Variants in RNF141 observed in about 807,000 individuals in gnomAD.
RNF141 encodes C3HC4-like zinc finger protein.
In RNF141, 18 loss-of-function variants were observed where a neutral mutation model predicts 27.4. The observed-to-expected ratio is 0.66, with a 90% CI of 0.45 to 0.97. The LOEUF is 0.97. Among genes scored for constraint, RNF141 ranks in the 50% least tolerant of loss-of-function variants. The pLI, the probability that RNF141 is intolerant of heterozygous loss-of-function variation, is 0.00. For synonymous variants in RNF141, 97 were observed against 96.6 expected (o/e 1.00, Z -0.02); for missense variants, 230 against 279.4 (o/e 0.82, Z 1.26).
chr11:10,533,792 G>A (rs1850009909), intron 2 of RNF141, among the ~76,000 whole-genome samples: 1 of 152,074 alleles, frequency 6.6e-6, no homozygotes, highest in Non-Finnish European at 1.5e-5. Context: ...TGTGTTCCAA[G>A]TTCCATTTTA....
At chr11:10,532,780 T>G (rs904218903) in intron 2 of RNF141, among the ~76,000 whole-genome samples, 1 of 152,320 alleles carries the variant, frequency 6.6e-6, no homozygotes, top group Middle Eastern at 3.4e-3. Context: ...GGTTCATATA[T>G]CTTACCTTAA....
rs760600347 is a variant in RNF141, at chr11:10,530,761, G to A, written c.144-10C>T. ...AGCCACTTTAGCCGTTCTGAAAAGA[G>A]ACAAGAACATGTTAATTTTATGAAA... On this transcript the variant is annotated splice_polypyrimidine_tract_variant and intron_variant, in intron 2 of 5. Transcript: ENST00000265981. 3 of 1,533,186 alleles carry A rather than the reference G, an allele frequency of 2.0e-6. No individual in the cohort carries two copies. Among genetic ancestry groups the A allele is most frequent in the East Asian group, 4.6e-5 (2 of 43,560 alleles). The allele number at this position is 1,533,186 out of a possible 1,614,324, so 95.0% of individuals were successfully genotyped here.
intron 1 of RNF141, chr11:10,540,848 C>T (rs548658968): frequency 1.3e-5 from 2 of 152,240 alleles, no homozygotes; most frequent in African/African-American, 4.8e-5. Flanking sequence ...GAAAAACTCT[C>T]TCCGGGTCCC....
chr11:10,533,963 G>A (rs1850011501), intron 2 of RNF141, 53 bp downstream of exon 2: 1 of 1,538,216 alleles, frequency 6.5e-7, no homozygotes, highest in Admixed American at 1.8e-5. Flanking sequence ...CATGACATAT[G>A]GGGCATACAT....
At chr11:10,531,933 G>A (rs559222342) in intron 2 of RNF141, 17 of 423,748 alleles carry the variant, frequency 4.0e-5, no homozygotes, top group Middle Eastern at 3.4e-4. Flanking sequence ...TACAGTTCTC[G>A]GAGATCACTG....
At chr11:10,520,118 G>A (rs138261501) in intron 4 of RNF141, among the ~76,000 whole-genome samples, 1 of 152,260 alleles carries the variant, frequency 6.6e-6, no homozygotes, top group African/African-American at 2.4e-5. Flanking sequence ...TATAGCACTT[G>A]TACAGTAGTG....
intron 2 of RNF141, among the ~76,000 whole-genome samples, chr11:10,531,141 C>T (rs951026136): frequency 1.7e-4 from 26 of 152,056 alleles, no homozygotes; most frequent in Admixed American, 1.7e-3. Context: ...CTTTGGGAGG[C>T]CAAGGCAGGC....
intron 5 of RNF141, 194 bp downstream of exon 5, chr11:10,518,840 C>A: frequency 8.3e-6 from 4 of 479,588 alleles, no homozygotes; most frequent in East Asian, 6.7e-5. Context: ...AAGGTACACC[C>A]CCATATTTAA....
intron 1 of RNF141, among the ~76,000 whole-genome samples, chr11:10,534,477 TAC>T (rs3074399): frequency 0.6 from 89,312 of 149,614 alleles, 26,426 homozygotes; most frequent in East Asian, 0.82. Flanking sequence ...TGTGCATGTG[TAC>T]ACACACACAC....
chr11:10,534,329 T>C (rs951705647), intron 1 of RNF141, 124 bp from the exon 2 acceptor site: 9 of 586,202 alleles, frequency 1.5e-5, no homozygotes, highest in African/African-American at 7.7e-5. Flanking sequence ...CCTACATGAG[T>C]CTAAGGTAGA....
At chr11:10,536,653 A>G (rs1000299471) in intron 1 of RNF141, among the ~76,000 whole-genome samples, 1 of 152,180 alleles carries the variant, frequency 6.6e-6, no homozygotes, top group Non-Finnish European at 1.5e-5. Flanking sequence ...GTCTCTTTAA[A>G]CAAACAGAGT....
chr11:10,534,448 C>T (rs1332270875), intron 1 of RNF141, among the ~76,000 whole-genome samples: 1 of 149,188 alleles, frequency 6.7e-6, no homozygotes, highest in Non-Finnish European at 1.5e-5. Flanking sequence ...TTTACCAAGT[C>T]AAAAACCACT....
At chr11:10,533,732 G>T (rs1230129138) in intron 2 of RNF141, among the ~76,000 whole-genome samples, 1 of 152,084 alleles carries the variant, frequency 6.6e-6, no homozygotes, top group Admixed American at 6.5e-5. Flanking sequence ...ATAAAATTGA[G>T]ATGCTGGGAT....
intron 5 of RNF141, chr11:10,517,152 A>T (rs959531085): frequency 3.3e-5 from 5 of 152,166 alleles, no homozygotes; most frequent in African/African-American, 1.2e-4. Context: ...ACTAGAGGAA[A>T]GCTCAAAGAT....
At chr11:10,527,641 G>A (rs1341589376) in intron 3 of RNF141, among the ~76,000 whole-genome samples, 4 of 82,344 alleles carry the variant, frequency 4.9e-5, no homozygotes, top group African/African-American at 1.9e-4. Context: ...TGCATGAGAA[G>A]TCACGGGGGG....
chr11:10,524,422 T>C (rs1849914755), intron 4 of RNF141, among the ~76,000 whole-genome samples: 1 of 152,098 alleles, frequency 6.6e-6, no homozygotes. Context: ...AAAAAATCAC[T>C]GTTAAGTACA....
At chr11:10,530,021 T>A (rs1849971918) in intron 3 of RNF141, among the ~76,000 whole-genome samples, 1 of 152,178 alleles carries the variant, frequency 6.6e-6, no homozygotes, top group African/African-American at 2.4e-5. Flanking sequence ...TATATGCATA[T>A]GGATGATTTT....
At chr11:10,518,526 A>G (rs1047166428) in intron 5 of RNF141, 3 of 152,288 alleles carry the variant, frequency 2.0e-5, no homozygotes, top group Non-Finnish European at 4.4e-5. Flanking sequence ...ATAAAAATTC[A>G]TAACTTTTAT....
chr11:10,515,098 TTTC>T (rs1394403014), intron 5 of RNF141, 32 bp from the exon 6 acceptor site: 15 of 1,572,598 alleles, frequency 9.5e-6, no homozygotes, highest in Non-Finnish European at 1.2e-5. Context: ...AACAGTTTGC[TTTC>T]TTCTTTTTTA....
Sources: gnomAD v4.1 joint callset for allele counts (sites outside exome capture counted in the v4.1 genomes callset) on GRCh38, gnomAD v4.1.1 for gene constraint, MANE v1.5 for transcripts, NCBI Gene and HGNC (gene_info 2026-07-23, HGNC 2026-07-21) for gene names.